MAPK10: variants seen among roughly 807,000 people sequenced by gnomAD.
MAPK10 encodes the protein mitogen-activated protein kinase 10, also known as JNK3 alpha protein kinase.
Under a neutral mutation model 59.3 loss-of-function variants are expected in MAPK10, and 25 were observed. The observed-to-expected ratio is 0.42, with a 90% CI of 0.31 to 0.59. The LOEUF (loss-of-function observed/expected upper bound fraction) is 0.59, where lower values mean the gene tolerates loss of function less well. MAPK10 is among the 20% of genes least tolerant of loss of function. The pLI is 0.15. For missense variants in MAPK10, 351 were observed against 568.9 expected (o/e 0.62, Z 3.90); for synonymous variants, 190 against 200.5 (o/e 0.95, Z 0.44).
At chr4:86,294,461 G>T (rs2095306320) in intron 2 of MAPK10, among the ~76,000 whole-genome samples, 1 of 151,650 alleles carries the variant, frequency 6.6e-6, no homozygotes, top group South Asian at 2.1e-4. Flanking sequence ...GCAATCAAAA[G>T]TTCTACTAGA....
chr4:86,312,340 A>G (rs1433813985), intron 2 of MAPK10, among the ~76,000 whole-genome samples: 1 of 152,098 alleles, frequency 6.6e-6, no homozygotes, highest in African/African-American at 2.4e-5. Context: ...GACTCTATAT[A>G]CCATATTCTA....
chr4:86,498,192 T>C (rs1170365109), intron 1 of MAPK10, among the ~76,000 whole-genome samples: 2 of 152,224 alleles, frequency 1.3e-5, no homozygotes, highest in Non-Finnish European at 2.9e-5. Context: ...TGTCTTGGTT[T>C]GCACAACAAA....
chr4:86,180,282 G>T (rs1464286117), intron 3 of MAPK10, among the ~76,000 whole-genome samples: 1 of 151,810 alleles, frequency 6.6e-6, no homozygotes, highest in Non-Finnish European at 1.5e-5. Context: ...CCACATTGAT[G>T]TGTTATTCTA....
At chr4:86,527,701 A>G (rs1757574496) in intron 1 of MAPK10, among the ~76,000 whole-genome samples, 1 of 152,250 alleles carries the variant, frequency 6.6e-6, no homozygotes, top group Non-Finnish European at 1.5e-5. Context: ...CCAAAAAGAC[A>G]CATGCACTTG....
chr4:86,107,411 C>G, intron 4 of MAPK10, 59 bp from the exon 5 acceptor site: 2 of 1,572,264 alleles, frequency 1.3e-6, no homozygotes, highest in Non-Finnish European at 1.7e-6. Context: ...GAACTCTTGC[C>G]TACTTGATTA....
At chr4:86,037,010 C>A (rs1239563123) in intron 11 of MAPK10, among the ~76,000 whole-genome samples, 1 of 152,156 alleles carries the variant, frequency 6.6e-6, no homozygotes, top group African/African-American at 2.4e-5. Flanking sequence ...TCTGAGACAG[C>A]ACGTCAGCAT....
At position 86,252,312 on chromosome 4, in the gene MAPK10, C is replaced by T. The variant is rs1430444998; in HGVS notation, c.-6-57905G>A. ...AGGGTTTTTATGGTTTTAGGTCTAA[C>T]GTTTAAATCTTTAATCCATCTTGAA... On this transcript the variant is annotated intron_variant, in intron 2 of 13. Transcript: ENST00000641462. Among the ~76,000 whole-genome samples, 418 of 120,510 alleles carry T rather than the reference C, an allele frequency of 3.5e-3. 9 individuals are homozygous for T. Among genetic ancestry groups the T allele is most frequent in the Non-Finnish European group, 5.3e-3 (329 of 62,496 alleles). 79.1% of individuals were successfully genotyped at this position (120,510 alleles called of 152,430 possible).
At chr4:86,391,547 G>T (rs1579038499) in intron 1 of MAPK10, among the ~76,000 whole-genome samples, 1 of 152,274 alleles carries the variant, frequency 6.6e-6, no homozygotes, top group East Asian at 1.9e-4. Context: ...TCAGAGACCT[G>T]ATTCTATGGC....
Position 86,252,149 on chromosome 4 carries a change from T to A in MAPK10, c.-6-57742A>T, listed in dbSNP as rs1350219121. Among the ~76,000 whole-genome samples the A allele has an allele frequency of 2.4e-5, 3 of 125,102 alleles. 1 individual carries two copies. The highest frequency in any genetic ancestry group is 4.7e-5 in the Non-Finnish European group (3 of 63,722). 82.1% of individuals were successfully genotyped at this position (125,102 alleles called of 152,430 possible). Reference sequence around the variant, plus strand: ...CCTGTTCACTCTGATGGTAGTTTCTTTTGCTGTGCAGAAGTTCTTTAGTTT... The same window carrying A: ...CCTGTTCACTCTGATGGTAGTTTCTATTGCTGTGCAGAAGTTCTTTAGTTT... On this transcript the variant is annotated intron_variant, in intron 2 of 13. Transcript: ENST00000641462.
At chr4:86,194,018 G>A (rs2149315590) in intron 3 of MAPK10, 2 of 296,714 alleles carry the variant, frequency 6.7e-6, no homozygotes, top group Admixed American at 4.8e-5. Context: ...CTGACCCCTT[G>A]CACTTCCTGG....
chr4:86,135,313 A>T (rs55768004), intron 4 of MAPK10, among the ~76,000 whole-genome samples: 7,848 of 152,148 alleles, frequency 0.052, 609 homozygotes, highest in African/African-American at 0.17. Flanking sequence ...AGAGCAGTGG[A>T]TCTCCCAGCA....
At chr4:86,471,127 G>GGT (rs1391135328) in intron 1 of MAPK10, among the ~76,000 whole-genome samples, 2 of 151,762 alleles carry the variant, frequency 1.3e-5, no homozygotes, top group Admixed American at 1.3e-4. Context: ...AAATTAGCTG[G>GGT]GTGTGGTGGC....
At chr4:86,503,090 A>G (rs969866856) in intron 1 of MAPK10, among the ~76,000 whole-genome samples, 1 of 152,108 alleles carries the variant, frequency 6.6e-6, no homozygotes, top group Non-Finnish European at 1.5e-5. Flanking sequence ...GTCAACCTAG[A>G]TGTCTAGCAT....
chr4:86,344,602 G>A (rs115138570), intron 2 of MAPK10, among the ~76,000 whole-genome samples: 1,702 of 146,240 alleles, frequency 0.012, 17 homozygotes, highest in Middle Eastern at 0.072. Context: ...GGGAGGGAGG[G>A]AGGGAGGGAA....
intron 1 of MAPK10, among the ~76,000 whole-genome samples, chr4:86,396,068 G>A (rs1461529734): frequency 6.6e-6 from 1 of 152,196 alleles, no homozygotes; most frequent in African/African-American, 2.4e-5. Context: ...GTTTCCGGCC[G>A]GGCGAGGTGG....
intron 9 of MAPK10, among the ~76,000 whole-genome samples, chr4:86,076,315 C>G (rs1024527345): frequency 4.6e-5 from 7 of 152,170 alleles, no homozygotes; most frequent in Admixed American, 3.3e-4. Flanking sequence ...GTGAGATGCA[C>G]CCGGTACCTC....
intron 9 of MAPK10, among the ~76,000 whole-genome samples, chr4:86,074,428 C>T (rs537644370): frequency 6.6e-5 from 10 of 151,006 alleles, no homozygotes; most frequent in Non-Finnish European, 4.4e-5. Flanking sequence ...GAATTTGATT[C>T]TGTCATCATG....
At chr4:86,433,917 T>C (rs1748373412) in intron 1 of MAPK10, among the ~76,000 whole-genome samples, 1 of 152,154 alleles carries the variant, frequency 6.6e-6, no homozygotes, top group African/African-American at 2.4e-5. Flanking sequence ...CAAATTACAA[T>C]AGAATAGAAA....
intron 3 of MAPK10, among the ~76,000 whole-genome samples, chr4:86,182,906 ACTT>A (rs898939263): frequency 3.3e-5 from 5 of 152,094 alleles, no homozygotes; most frequent in Non-Finnish European, 5.9e-5. Context: ...TTCATGCTTC[ACTT>A]CTTTTTATTC....
Sources: allele counts gnomAD v4.1 joint callset (sites outside exome capture counted in the v4.1 genomes callset), GRCh38; gene constraint gnomAD v4.1.1; transcripts MANE v1.5; gene names NCBI Gene and HGNC (gene_info 2026-07-23, HGNC 2026-07-21).